Variants in PDE1C observed in about 807,000 individuals in gnomAD.
PDE1C encodes dual specificity calcium/calmodulin-dependent 3',5'-cyclic nucleotide phosphodiesterase 1C.
Under a neutral mutation model 93.1 loss-of-function variants are expected in PDE1C, and 62 were observed. That is an observed-to-expected ratio of 0.67 (90% CI 0.54 to 0.82). The LOEUF (loss-of-function observed/expected upper bound fraction) is 0.82, where lower values mean the gene tolerates loss of function less well. PDE1C is among the 40% of genes least tolerant of loss of function. The pLI is 0.00. For synonymous variants in PDE1C, 325 were observed against 310.1 expected, an observed-to-expected ratio of 1.05 and a Z score of -0.50; for missense variants, 742 against 884.6, an observed-to-expected ratio of 0.84 and a Z score of 2.04.
intron 15 of PDE1C, among the ~76,000 whole-genome samples, chr7:31,813,528 T>A (rs1787816125): frequency 6.6e-6 from 1 of 152,160 alleles, no homozygotes; most frequent in Non-Finnish European, 1.5e-5. Flanking sequence ...TTTTGTTACC[T>A]ATCTCTCAGT....
At chr7:31,966,835 T>C (rs1275959372) in intron 2 of PDE1C, among the ~76,000 whole-genome samples, 2 of 152,162 alleles carry the variant, frequency 1.3e-5, no homozygotes, top group Non-Finnish European at 2.9e-5. Flanking sequence ...ACATGGAAAC[T>C]GAACAACCTG....
At chr7:31,987,333 C>A (rs986183561) in intron 2 of PDE1C, among the ~76,000 whole-genome samples, 1 of 152,142 alleles carries the variant, frequency 6.6e-6, no homozygotes, top group African/African-American at 2.4e-5. Flanking sequence ...AGGATTTACT[C>A]CCAGCAGTGC....
chr7:32,183,005 AAC>A (rs1803552694), intron 2 of PDE1C, among the ~76,000 whole-genome samples: 1 of 152,164 alleles, frequency 6.6e-6, no homozygotes, highest in African/African-American at 2.4e-5. Flanking sequence ...ATACACCAAT[AAC>A]AGACAAACAG....
At chr7:32,419,878 T>C (rs1785357167) in intron 1 of PDE1C, among the ~76,000 whole-genome samples, 1 of 151,258 alleles carries the variant, frequency 6.6e-6, no homozygotes, top group South Asian at 2.1e-4. Context: ...GTCCGCTGTG[T>C]GACCAGAGCA....
chr7:31,867,755 A>T (rs76090846), intron 6 of PDE1C, among the ~76,000 whole-genome samples: 12,138 of 152,130 alleles, frequency 0.08, 570 homozygotes, highest in Middle Eastern at 0.16. Flanking sequence ...ATCTGCTAAC[A>T]CCAGTGCAAG....
At chr7:31,655,867 G>T in the PDE1C span, 4 of 985,446 alleles carry the variant, frequency 4.1e-6, no homozygotes, top group Admixed American at 2.5e-4. Flanking sequence ...AACGCCTACG[G>T]AATGAAGAGG....
chr7:31,990,222 G>A (rs1783985728), intron 2 of PDE1C, among the ~76,000 whole-genome samples: 1 of 152,210 alleles, frequency 6.6e-6, no homozygotes, highest in South Asian at 2.1e-4. Flanking sequence ...GACCTGGTGG[G>A]AGGTAATTGA....
At chr7:31,658,593 G>A in the PDE1C span, 8 of 330,830 alleles carry the variant, frequency 2.4e-5, no homozygotes, top group South Asian at 1.0e-4. Context: ...CATGATGTGC[G>A]AGAATTGTAG....
chr7:31,680,955 G>C, the PDE1C span, among the ~76,000 whole-genome samples: 1 of 152,154 alleles, frequency 6.6e-6, no homozygotes, highest in Non-Finnish European at 1.5e-5. Context: ...CAAGTGAGTG[G>C]TACATCCTCA....
intron 1 of PDE1C, among the ~76,000 whole-genome samples, chr7:32,296,724 T>A (rs1812623517): frequency 3.3e-5 from 5 of 152,250 alleles, no homozygotes; most frequent in Admixed American, 2.6e-4. Flanking sequence ...AAGGACAACC[T>A]GGTATAACTT....
At chr7:32,052,661 A>C (rs937592608) in intron 1 of PDE1C, among the ~76,000 whole-genome samples, 7 of 152,198 alleles carry the variant, frequency 4.6e-5, no homozygotes, top group Admixed American at 2.6e-4. Flanking sequence ...AGAGCTGTGT[A>C]CCATATTTCT....
the PDE1C span, among the ~76,000 whole-genome samples, chr7:31,731,385 G>C: frequency 2.3e-4 from 34 of 149,848 alleles, no homozygotes; most frequent in East Asian, 5.1e-3. Context: ...TGAAAGGCAG[G>C]GAATTGGCAC....
At chr7:31,860,047 T>A (rs79226025) in intron 7 of PDE1C, among the ~76,000 whole-genome samples, 1 of 152,180 alleles carries the variant, frequency 6.6e-6, no homozygotes, top group Non-Finnish European at 1.5e-5. Flanking sequence ...CTGAGTACAC[T>A]TGGAAGTGCT....
At chr7:31,904,540 A>T (rs529932378) in intron 2 of PDE1C, among the ~76,000 whole-genome samples, 1 of 152,030 alleles carries the variant, frequency 6.6e-6, no homozygotes. Context: ...AGTTTTATGT[A>T]TAAGTATTAC....
chr7:31,721,552 C>G, the PDE1C span, among the ~76,000 whole-genome samples: 1 of 152,308 alleles, frequency 6.6e-6, no homozygotes, highest in Middle Eastern at 3.4e-3. Flanking sequence ...ATAGAATCAA[C>G]CATTCAGGCA....
In PDE1C at chr7:32,204,924, C is replaced by A. The variant is rs560368128; in HGVS notation, c.136+4565G>T. Among the ~76,000 whole-genome samples the A allele has an allele frequency of 1.1e-4, 16 of 152,230 alleles. No individual in the cohort carries two copies. The South Asian group carries it at 3.3e-3, about 32-fold the overall frequency. On this transcript the variant is annotated intron_variant, in intron 2 of 18. Coordinates refer to the PDE1C transcript ENST00000396193. ...AATTAGACTGCAAACCCTTTGAAGA[C>A]AAACCAACTCATCTGTGTTATCTCC...
chr7:31,837,320 A>C lies in PDE1C; in HGVS notation c.1083-20T>G. 3 of 1,596,584 alleles carry C rather than the reference A, an allele frequency of 1.9e-6. No individual in the cohort carries two copies. The highest frequency in any genetic ancestry group is 2.6e-6 in the Non-Finnish European group (3 of 1,170,118). Reference sequence around the variant, plus strand: ...TCAATGCTGTAAACCAAAAGCACCCAAACACATGATAACCACACTCTTCAG... The same window carrying C: ...TCAATGCTGTAAACCAAAAGCACCCCAACACATGATAACCACACTCTTCAG... On this transcript the variant is annotated intron_variant, in intron 10 of 17. Coordinates refer to ENST00000396191, the MANE Select transcript of PDE1C (RefSeq NM_001191057.4).
At chr7:31,633,434 A>G in the PDE1C span, among the ~76,000 whole-genome samples, 3 of 152,164 alleles carry the variant, frequency 2.0e-5, no homozygotes, top group East Asian at 3.9e-4. Flanking sequence ...ATCTATAAGG[A>G]GTGTTCTGGA....
At chr7:32,182,476 G>A (rs1190351881) in intron 2 of PDE1C, among the ~76,000 whole-genome samples, 3 of 152,142 alleles carry the variant, frequency 2.0e-5, no homozygotes. Flanking sequence ...TCATCCCTGG[G>A]ATGCAAGGCT....
Sources: allele counts gnomAD v4.1 joint callset (sites outside exome capture counted in the v4.1 genomes callset), GRCh38; gene constraint gnomAD v4.1.1; transcripts MANE v1.5; gene names NCBI Gene and HGNC (gene_info 2026-07-23, HGNC 2026-07-21).